Variants in UTS2 observed in about 807,000 individuals in gnomAD.
The protein encoded by UTS2 is urotensin 2.
Under a neutral mutation model 12.6 loss-of-function variants are expected in UTS2, and 10 were observed. That is an observed-to-expected ratio of 0.80 (90% CI 0.49 to 1.35). The LOEUF (loss-of-function observed/expected upper bound fraction) is 1.35. Among genes scored for constraint, UTS2 ranks in the 40% most tolerant of loss-of-function variants. The pLI, the probability that UTS2 is intolerant of heterozygous loss-of-function variation, is 0.00. For synonymous variants in UTS2, 52 were observed against 50.0 expected (o/e 1.04, Z -0.17); for missense variants, 142 against 143.2 (o/e 0.99, Z 0.04).
the UTS2 span, among the ~76,000 whole-genome samples, chr1:7,879,829 A>G: frequency 3.8e-4 from 58 of 152,346 alleles, 1 homozygote; most frequent in African/African-American, 1.3e-3. Context: ...AAGCAGTGCT[A>G]AAAGGGAAGT....
the UTS2 span, among the ~76,000 whole-genome samples, chr1:7,876,788 C>G: frequency 6.6e-6 from 1 of 151,994 alleles, no homozygotes; most frequent in South Asian, 2.1e-4. Flanking sequence ...GAAAGTCACT[C>G]CACAATATTA....
the UTS2 span, among the ~76,000 whole-genome samples, chr1:7,879,793 A>G: frequency 9.9e-5 from 15 of 152,158 alleles, no homozygotes; most frequent in Non-Finnish European, 2.1e-4. Flanking sequence ...AAAACAGAAT[A>G]TATCAAAATT....
chr1:7,873,438 T>G, the UTS2 span, among the ~76,000 whole-genome samples: 1 of 152,216 alleles, frequency 6.6e-6, no homozygotes, highest in Non-Finnish European at 1.5e-5. Context: ...AACTTGTAAT[T>G]CATGGGATGA....
At chr1:7,853,138 AAAT>A, upstream of UTS2, 2 of 1,476,508 alleles carry the variant, frequency 1.4e-6, no homozygotes, top group Non-Finnish European at 1.8e-6. Context: ...AAAAAAAAAA[AAAT>A]GAATTTATTG....
At chr1:7,909,190 T>G in the UTS2 span, among the ~76,000 whole-genome samples, 1 of 152,130 alleles carries the variant, frequency 6.6e-6, no homozygotes, top group African/African-American at 2.4e-5. Flanking sequence ...GGAGCTACAG[T>G]TCAAGATGAG....
At chr1:7,883,727 AACT>A in the UTS2 span, among the ~76,000 whole-genome samples, 33 of 152,326 alleles carry the variant, frequency 2.2e-4, no homozygotes, top group African/African-American at 7.7e-4. Flanking sequence ...AAACTTTAGC[AACT>A]ACCACCCTGA....
At chr1:7,847,988 C>A in intron 3 of UTS2, 106 bp from the exon 4 acceptor site, 1 of 797,812 alleles carries the variant, frequency 1.3e-6, no homozygotes, top group Non-Finnish European at 2.0e-6. Flanking sequence ...CACTGGACTT[C>A]TTAAAAGTAT....
chr1:7,871,664 G>A, the UTS2 span, among the ~76,000 whole-genome samples: 1 of 152,012 alleles, frequency 6.6e-6, no homozygotes, highest in Non-Finnish European at 1.5e-5. Flanking sequence ...CTCACTTTGA[G>A]TCTCTGTGCC....
At chr1:7,873,989 C>T in the UTS2 span, among the ~76,000 whole-genome samples, 2 of 152,124 alleles carry the variant, frequency 1.3e-5, no homozygotes, top group Admixed American at 1.3e-4. Flanking sequence ...GCATCCAGCA[C>T]TCACTTCCTT....
the UTS2 span, among the ~76,000 whole-genome samples, chr1:7,892,285 T>C: frequency 6.6e-6 from 1 of 152,034 alleles, no homozygotes; most frequent in African/African-American, 2.4e-5. Context: ...TGAGCTAAGA[T>C]CGAGCGGTCA....
the UTS2 span, among the ~76,000 whole-genome samples, chr1:7,858,525 C>T: frequency 1.3e-5 from 2 of 152,182 alleles, no homozygotes; most frequent in Non-Finnish European, 2.9e-5. Flanking sequence ...TTAATCTAAA[C>T]TCCCTCTCCC....
rs746652121 is a variant in UTS2 at position 7,852,884 on chromosome 1, GA to G, written c.103+16del. On this transcript the variant is annotated intron_variant, in intron 1 of 3. Coordinates refer to ENST00000361696, the MANE Select transcript of UTS2 (RefSeq NM_006786.4). ...GGCTCTTTCAAGACTAACATAAGGG[GA>G]AAAAAAAAATCTTACCTGAGAGTTG... 1,295 of 1,503,508 alleles carry G rather than the reference GA, an allele frequency of 8.6e-4. No homozygotes were observed. Among genetic ancestry groups the G allele is most frequent in the Admixed American group, 2.8e-3 (144 of 52,184 alleles). 93.1% of individuals were successfully genotyped at this position (1,503,508 alleles called of 1,614,324 possible).
chr1:7,906,472 A>G, the UTS2 span, among the ~76,000 whole-genome samples: 5 of 148,492 alleles, frequency 3.4e-5, no homozygotes, highest in Non-Finnish European at 5.9e-5. Flanking sequence ...AGAAAGAAAG[A>G]AAGAAAGAAA....
At chr1:7,859,140 A>G in the UTS2 span, among the ~76,000 whole-genome samples, 2 of 152,188 alleles carry the variant, frequency 1.3e-5, no homozygotes, top group Non-Finnish European at 2.9e-5. Flanking sequence ...CTCATATTCA[A>G]CTGACATTGA....
At chr1:7,898,043 C>T in the UTS2 span, among the ~76,000 whole-genome samples, 8 of 152,140 alleles carry the variant, frequency 5.3e-5, no homozygotes, top group Non-Finnish European at 1.0e-4. Flanking sequence ...ATAAACTTCT[C>T]TTGTTATTTC....
chr1:7,866,875 C>T, the UTS2 span, among the ~76,000 whole-genome samples: 73,091 of 151,868 alleles, frequency 0.48, 19,427 homozygotes, highest in East Asian at 0.71. The surrounding 1 kb of genome is among the most constrained non-coding windows in gnomAD (Gnocchi z 4.5). Flanking sequence ...TTTGTTTTTG[C>T]CTTTGTTTTT....
chr1:7,876,805 G>T, the UTS2 span, among the ~76,000 whole-genome samples: 1 of 150,072 alleles, frequency 6.7e-6, no homozygotes, highest in African/African-American at 2.4e-5. Context: ...ATTAGAAGAA[G>T]CAACTGTTGT....
intron 2 of UTS2, among the ~76,000 whole-genome samples, chr1:7,850,340 G>A (rs1346939411): frequency 6.6e-6 from 1 of 152,046 alleles, no homozygotes; most frequent in African/African-American, 2.4e-5. Context: ...GGCCACGGGG[G>A]AATAAGCTGA....
chr1:7,885,510 T>G, the UTS2 span, among the ~76,000 whole-genome samples: 1 of 152,088 alleles, frequency 6.6e-6, no homozygotes, highest in Non-Finnish European at 1.5e-5. Flanking sequence ...CTCGGGATCC[T>G]TAAGGTTACC....
Sources: allele counts gnomAD v4.1 joint callset (sites outside exome capture counted in the v4.1 genomes callset), GRCh38; gene constraint gnomAD v4.1.1; non-coding constraint Gnocchi (gnomAD v3.1); transcripts MANE v1.5; gene names NCBI Gene and HGNC (gene_info 2026-07-23, HGNC 2026-07-21).